Variants in ANKS1B observed in about 807,000 individuals in gnomAD.
ANKS1B encodes ankyrin repeat and sterile alpha motif domain-containing protein 1B.
ANKS1B carries 36 observed loss-of-function variants against 148.3 expected under a neutral mutation model. The ratio of observed to expected loss-of-function variants is 0.24; its 90% CI spans 0.19 to 0.32. The LOEUF is 0.32. Ranked by LOEUF, ANKS1B falls within the 10% of genes least tolerant of loss-of-function variation. ANKS1B has a pLI of 1.00. For missense variants in ANKS1B, 1,157 were observed against 1,542.6 expected (o/e 0.75, Z 4.19); for synonymous variants, 542 against 560.8 (o/e 0.97, Z 0.47).
chr12:98,980,232 G>C (rs748910613), intron 17 of ANKS1B, among the ~76,000 whole-genome samples: 1 of 152,028 alleles, frequency 6.6e-6, no homozygotes, highest in Non-Finnish European at 1.5e-5. Context: ...ACGGAGTCTC[G>C]CTCTGTCCCC....
At position 98,745,484 on chromosome 12, in the gene ANKS1B, G is replaced by A. The variant is rs755356123; in HGVS notation, c.*255C>T. 3 of 1,162,866 alleles carry A rather than the reference G, an allele frequency of 2.6e-6. No homozygotes were observed. Among genetic ancestry groups the A allele is most frequent in the Non-Finnish European group, 3.2e-6 (3 of 941,980 alleles). 72.0% of individuals were successfully genotyped at this position (1,162,866 alleles called of 1,614,324 possible). A position where few individuals can be genotyped will look rare whatever the true frequency, so the allele number is the denominator to read the frequency against. On this transcript the variant is annotated 3_prime_UTR_variant, in exon 27 of 27. Transcript: ENST00000683438. The stretch of plus-strand genomic sequence containing the variant: ...GAAATACCTTGGGAGGTGGTGGGGA[G>A]GGGAGTCGGGAGCATCAGGGAAAAC...
intron 9 of ANKS1B, among the ~76,000 whole-genome samples, chr12:99,597,360 T>A (rs2097766972): frequency 6.6e-6 from 1 of 151,950 alleles, no homozygotes; most frequent in Non-Finnish European, 1.5e-5. Context: ...TTGGACATTT[T>A]CCCTTATGAA....
At chr12:98,760,816 C>G (rs555766033) in intron 25 of ANKS1B, among the ~76,000 whole-genome samples, 5 of 152,168 alleles carry the variant, frequency 3.3e-5, no homozygotes, top group Admixed American at 6.5e-5. Context: ...AATGTTGTTA[C>G]GTGGATATTA....
chr12:99,687,768 C>T (rs981400379), intron 8 of ANKS1B, among the ~76,000 whole-genome samples: 1 of 152,138 alleles, frequency 6.6e-6, no homozygotes, highest in African/African-American at 2.4e-5. Context: ...CATAATATAA[C>T]AGCTATTTTG....
chr12:99,246,235 A>C, intron 13 of ANKS1B, 40 bp downstream of exon 13: 1 of 1,427,002 alleles, frequency 7.0e-7, no homozygotes, highest in East Asian at 2.4e-5. Context: ...CCTCAACTGC[A>C]AAGCCTTATA....
chr12:99,353,800 A>G (rs2091699364), intron 12 of ANKS1B, among the ~76,000 whole-genome samples: 1 of 151,188 alleles, frequency 6.6e-6, no homozygotes, highest in South Asian at 2.1e-4. Context: ...GGAACTGGGA[A>G]AGGATGGAAT....
chr12:98,886,990 T>G (rs2099741594), intron 17 of ANKS1B, among the ~76,000 whole-genome samples: 1 of 152,128 alleles, frequency 6.6e-6, no homozygotes, highest in African/African-American at 2.4e-5. Context: ...ATCTAGGCAA[T>G]TCAGTGATGA....
intron 1 of ANKS1B, among the ~76,000 whole-genome samples, chr12:99,929,247 T>C (rs1041021656): frequency 6.6e-6 from 1 of 152,196 alleles, no homozygotes; most frequent in Non-Finnish European, 1.5e-5. Flanking sequence ...GTTAAGAGAA[T>C]GACAGAGGGA....
At chr12:99,280,680 G>A (rs2078293605) in intron 12 of ANKS1B, among the ~76,000 whole-genome samples, 2 of 152,102 alleles carry the variant, frequency 1.3e-5, no homozygotes, top group Admixed American at 6.5e-5. Flanking sequence ...GAGTGAAAAG[G>A]AATTCCCATT....
At chr12:99,796,158 A>ATCAAGAGGGCTACCAATAGGCAAGTAGT (rs2066229149) in intron 4 of ANKS1B, among the ~76,000 whole-genome samples, 1 of 151,992 alleles carries the variant, frequency 6.6e-6, no homozygotes, top group Admixed American at 6.6e-5. Flanking sequence ...CGATCTGATA[A>ATCAAGAGGGCTACCAATAGGCAAGTAGT]TCAAGAGGGC....
chr12:98,953,481 G>A (rs1012172631), intron 17 of ANKS1B, among the ~76,000 whole-genome samples: 8 of 125,538 alleles, frequency 6.4e-5, no homozygotes, highest in African/African-American at 1.8e-4. Flanking sequence ...AATTGGCTTT[G>A]TCTTATTGAT....
chr12:98,841,917 T>A (rs2099408721), intron 17 of ANKS1B, among the ~76,000 whole-genome samples: 1 of 151,406 alleles, frequency 6.6e-6, no homozygotes, highest in South Asian at 2.1e-4. Context: ...TAGAAAAGAA[T>A]GACCCTACCT....
chr12:99,315,418 T>G (rs552432139), intron 12 of ANKS1B, among the ~76,000 whole-genome samples: 1 of 152,144 alleles, frequency 6.6e-6, no homozygotes, highest in Admixed American at 6.5e-5. Flanking sequence ...GAACAGACAG[T>G]GCTCAAAAGA....
intron 8 of ANKS1B, among the ~76,000 whole-genome samples, chr12:99,746,150 T>C (rs2153587526): frequency 6.6e-6 from 1 of 152,312 alleles, no homozygotes; most frequent in Admixed American, 6.5e-5. Context: ...TTCTATGAAA[T>C]CATGATATCA....
At chr12:99,407,731 C>T (rs2094565420) in intron 11 of ANKS1B, among the ~76,000 whole-genome samples, 1 of 145,272 alleles carries the variant, frequency 6.9e-6, no homozygotes, top group African/African-American at 2.6e-5. Flanking sequence ...AAAAATAGAA[C>T]AAAGAAGTCT....
intron 9 of ANKS1B, among the ~76,000 whole-genome samples, chr12:99,627,666 T>C (rs2098122946): frequency 6.6e-6 from 1 of 152,128 alleles, no homozygotes; most frequent in Admixed American, 6.6e-5. Context: ...CGGCATGCAA[T>C]GCACACAGCA....
intron 11 of ANKS1B, among the ~76,000 whole-genome samples, chr12:99,408,279 A>C (rs1438665955): frequency 6.9e-6 from 1 of 145,908 alleles, no homozygotes; most frequent in East Asian, 1.9e-4. Flanking sequence ...TGGTGGTGGA[A>C]AAACAGGATA....
intron 15 of ANKS1B, among the ~76,000 whole-genome samples, chr12:99,148,479 GACTTTCTGCTGCACAAGCA>G (rs1478742553): frequency 1.3e-4 from 20 of 151,254 alleles, no homozygotes; most frequent in African/African-American, 4.6e-4. Flanking sequence ...CCTCATTTCT[GACTTTCTGCTGCACAAGCA>G]ATCAGTATTC....
intron 9 of ANKS1B, among the ~76,000 whole-genome samples, chr12:99,527,512 G>A (rs769927825): frequency 2.6e-5 from 4 of 152,070 alleles, no homozygotes; most frequent in South Asian, 2.1e-4. Context: ...GGCTCTCCCC[G>A]GAATTCTTAC....
Sources: gnomAD v4.1 joint callset for allele counts (sites outside exome capture counted in the v4.1 genomes callset) on GRCh38, gnomAD v4.1.1 for gene constraint, MANE v1.5 for transcripts, NCBI Gene and HGNC (gene_info 2026-07-23, HGNC 2026-07-21) for gene names.